The following FNIP1 variants were observed in gnomAD, a reference collection of about 807,000 sequenced individuals.
FNIP1 encodes folliculin interacting protein 1, also known as folliculin-interacting protein 1.
In FNIP1, 40 loss-of-function variants were observed where a neutral mutation model predicts 124.5. The ratio of observed to expected loss-of-function variants is 0.32; its 90% confidence interval spans 0.25 to 0.42. The LOEUF (loss-of-function observed/expected upper bound fraction) is 0.42, where lower values mean the gene tolerates loss of function less well. Ranked by LOEUF, FNIP1 falls within the 10% of genes least tolerant of loss-of-function variation. The probability of loss-of-function intolerance (pLI) is 1.00; values close to 1 mark genes in which losing one functional copy is unlikely to be tolerated. For missense variants in FNIP1, 1,176 were observed against 1,403.7 expected (o/e 0.84, Z 2.59); for synonymous variants, 472 against 470.6 (o/e 1.00, Z -0.04).
At chr5:131,693,074 A>G (rs983656174) in intron 11 of FNIP1, among the ~76,000 whole-genome samples, 3 of 151,226 alleles carry the variant, frequency 2.0e-5, no homozygotes, top group Non-Finnish European at 4.4e-5. Flanking sequence ...TGGCAACTAC[A>G]GTTAATAATA....
rs901610771 is a variant in FNIP1, at chr5:131,750,262, A to C, written c.93-5572T>G. On this transcript the variant is annotated intron_variant, in intron 1 of 17. Transcript: ENST00000510461. ...TAGGGAACGTAGTGATGGGACAACA[A>C]TAACAAAAGAAAATGGAGGCAGTAC... is the stretch of plus-strand genomic sequence containing the variant. 1.3e-5 allele frequency among the ~76,000 whole-genome samples: 2 copies of C among 152,184 alleles called. 1 individual carries two copies. The highest frequency in any genetic ancestry group is 2.9e-5 in the Non-Finnish European group (2 of 68,036).
At chr5:131,735,241 T>C (rs1035877363) in intron 2 of FNIP1, among the ~76,000 whole-genome samples, 2 of 151,826 alleles carry the variant, frequency 1.3e-5, no homozygotes, top group Non-Finnish European at 1.5e-5. Flanking sequence ...TTCTCACTCA[T>C]AGGTAGGAAT....
At position 131,676,952 on chromosome 5, in the gene FNIP1, A is replaced by C. The variant is rs571038689; in HGVS notation, c.1519+751T>G. Among the ~76,000 whole-genome samples the C allele has an allele frequency of 8.9e-4, 135 of 152,270 alleles. 1 individual carries two copies. In the South Asian group the frequency reaches 0.026, roughly 29 times the overall value. On this transcript the variant is annotated intron_variant, in intron 13 of 17. Coordinates refer to ENST00000510461, the MANE Select transcript of FNIP1 (RefSeq NM_133372.3). Reference sequence around the variant, plus strand: ...ACCTAAGGAAAGTTACTACCCAGTCACCAAAATGTTCTCATCTTACTCTTC... The same window carrying C: ...ACCTAAGGAAAGTTACTACCCAGTCCCCAAAATGTTCTCATCTTACTCTTC...
intron 2 of FNIP1, among the ~76,000 whole-genome samples, chr5:131,743,573 ATG>A (rs1404687920): frequency 6.6e-6 from 1 of 152,134 alleles, no homozygotes; most frequent in Non-Finnish European, 1.5e-5. Flanking sequence ...TATGGACTGA[ATG>A]TGTGTCTCTC....
At chr5:131,689,782 C>T (rs928550468) in intron 11 of FNIP1, among the ~76,000 whole-genome samples, 7 of 152,112 alleles carry the variant, frequency 4.6e-5, no homozygotes, top group African/African-American at 1.7e-4. Flanking sequence ...AAAACTATTA[C>T]AAATATGATA....
intron 11 of FNIP1, among the ~76,000 whole-genome samples, chr5:131,692,739 G>T (rs920767023): frequency 6.6e-6 from 1 of 152,090 alleles, no homozygotes; most frequent in African/African-American, 2.4e-5. Context: ...TTGGCATGAG[G>T]GCTCATGCAT....
chr5:131,777,238 T>C (rs1771841227), intron 1 of FNIP1, among the ~76,000 whole-genome samples: 1 of 151,980 alleles, frequency 6.6e-6, no homozygotes, highest in Non-Finnish European at 1.5e-5. Flanking sequence ...AAAATTTAAT[T>C]TGAATTGGAA....
At chr5:131,758,521 T>C (rs1771122503) in intron 1 of FNIP1, among the ~76,000 whole-genome samples, 1 of 152,208 alleles carries the variant, frequency 6.6e-6, no homozygotes, top group Admixed American at 6.5e-5. Context: ...CACAAATTTA[T>C]ATGCTACAGA....
At chr5:131,655,313 A>G (rs1561639002) in intron 15 of FNIP1, among the ~76,000 whole-genome samples, 1 of 152,180 alleles carries the variant, frequency 6.6e-6, no homozygotes, top group Non-Finnish European at 1.5e-5. Flanking sequence ...TCGAGAGACT[A>G]ACCTGAGCAA....
chr5:131,763,978 G>A (rs1050441499), intron 1 of FNIP1, among the ~76,000 whole-genome samples: 2 of 152,118 alleles, frequency 1.3e-5, no homozygotes, highest in Non-Finnish European at 2.9e-5. Context: ...ACTGGATGAT[G>A]GGGATGAGTT....
intron 1 of FNIP1, among the ~76,000 whole-genome samples, chr5:131,779,658 A>C (rs1243422540): frequency 1.3e-5 from 2 of 151,162 alleles, no homozygotes; most frequent in Non-Finnish European, 3.0e-5. Flanking sequence ...ACTGCACTCC[A>C]GCCTGGGCAA....
intron 3 of FNIP1, 119 bp from the exon 4 acceptor site, chr5:131,719,536 C>A: frequency 3.5e-6 from 3 of 862,896 alleles, no homozygotes; most frequent in South Asian, 3.6e-5. Flanking sequence ...TGTACTTCTA[C>A]ACTGTATACG....
intron 1 of FNIP1, chr5:131,796,049 G>A (rs1354759086): frequency 6.6e-6 from 1 of 152,130 alleles, no homozygotes; most frequent in African/African-American, 2.4e-5. Context: ...CCAGCAACAG[G>A]TACTACAATG....
At chr5:131,736,470 C>T (rs1254275677) in intron 2 of FNIP1, among the ~76,000 whole-genome samples, 1 of 152,208 alleles carries the variant, frequency 6.6e-6, no homozygotes, top group Non-Finnish European at 1.5e-5. Context: ...TATTTAAGTA[C>T]TACGCGTTCT....
At chr5:131,761,138 A>G (rs569989621) in intron 1 of FNIP1, among the ~76,000 whole-genome samples, 1 of 152,344 alleles carries the variant, frequency 6.6e-6, no homozygotes, top group African/African-American at 2.4e-5. Flanking sequence ...CAACTTTTAA[A>G]TATGTCTTCT....
chr5:131,736,235 T>C (rs1379427639), intron 2 of FNIP1, among the ~76,000 whole-genome samples: 2 of 152,216 alleles, frequency 1.3e-5, no homozygotes, highest in Non-Finnish European at 2.9e-5. Flanking sequence ...TTATTACTTA[T>C]TGATCACCAA....
At chr5:131,657,758 A>AAAAAAAAAAAAC (rs1767248419) in intron 15 of FNIP1, among the ~76,000 whole-genome samples, 35 of 148,504 alleles carry the variant, frequency 2.4e-4, no homozygotes, top group African/African-American at 8.6e-4. Flanking sequence ...AAAAAAAAAA[A>AAAAAAAAAAAAC]CGGTGGGTGA....
intron 3 of FNIP1, among the ~76,000 whole-genome samples, chr5:131,722,816 G>A (rs1769718558): frequency 6.6e-6 from 1 of 152,176 alleles, no homozygotes. Context: ...ATCCCGAGTA[G>A]CTGGCAATAC....
intron 3 of FNIP1, among the ~76,000 whole-genome samples, chr5:131,729,126 G>A (rs925285021): frequency 7.2e-5 from 11 of 152,114 alleles, no homozygotes; most frequent in African/African-American, 9.7e-5. Context: ...GTTGACCACC[G>A]CTGGGAGGTA....
Sources: gnomAD v4.1 joint callset for allele counts (sites outside exome capture counted in the v4.1 genomes callset) on GRCh38, gnomAD v4.1.1 for gene constraint, MANE v1.5 for transcripts, NCBI Gene and HGNC (gene_info 2026-07-23, HGNC 2026-07-21) for gene names.